Variants in CCL11 observed in about 807,000 individuals in gnomAD.
The protein encoded by CCL11 is C-C motif chemokine ligand 11, also known as eotaxin.
A neutral mutation model predicts 7.3 loss-of-function variants in CCL11; 7 were observed. The observed-to-expected ratio is 0.96, with a 90% CI of 0.55 to 1.81. CCL11 has a LOEUF of 1.81. CCL11 is among the 40% of genes most tolerant of loss of function. The pLI is 0.00. For synonymous variants in CCL11, 66 were observed against 45.2 expected (o/e 1.46, Z -1.84); for missense variants, 132 against 114.2 (o/e 1.16, Z -0.71).
rs76028040 is a variant in CCL11, at chr17:34,287,828, A to T, written c.*138A>T. On this transcript the variant is annotated 3_prime_UTR_variant, in exon 3 of 3. Transcript: ENST00000305869. ...ATTATATATATATATTTTTTTTTTT[A>T]AAAAAAAAACGTATTGCATTTAATT... 78,981 of 190,088 alleles carry T rather than the reference A, an allele frequency of 0.42. 11,319 individuals carry two copies. The highest frequency in any genetic ancestry group is 0.66 in the East Asian group (9,608 of 14,564). 11.8% of individuals were successfully genotyped at this position (190,088 alleles called of 1,614,324 possible). A position where few individuals can be genotyped will look rare whatever the true frequency, so the allele number is the denominator to read the frequency against.
At chr17:34,287,286 C>A in intron 2 of CCL11, 79 bp downstream of exon 2, 1 of 1,031,792 alleles carries the variant, frequency 9.7e-7, no homozygotes, top group Non-Finnish European at 1.5e-6. Context: ...GTCACAGTTG[C>A]TGGGAGTCAT....
rs202159929 is a variant in CCL11 at position 34,287,143 on chromosome 17, C to T, written c.124C>T (p.Pro42Ser). Residue 42 changes from proline (P) to serine (S), a missense_variant, in exon 2 of 3, where the codon CCC becomes TCC. Pro to Ser is a moderately conservative substitution (Grantham distance 74). Coordinates refer to ENST00000305869, the MANE Select transcript of CCL11 (RefSeq NM_002986.3). ...CTTTAACCTGGCCAATAGGAAGATACCCCTTCAGCGACTAGAGAGCTACAG... is the reference window on the plus strand; with the variant it reads ...CTTTAACCTGGCCAATAGGAAGATATCCCTTCAGCGACTAGAGAGCTACAG... The part of the protein sequence containing the change: ...CCFNLANRKI[P>S]LQRLESYRRI... 2 of 1,613,992 alleles carry T rather than the reference C, an allele frequency of 1.2e-6. No individual in the cohort carries two copies. The highest frequency in any genetic ancestry group is 1.1e-5 in the South Asian group (1 of 91,072).
chr17:34,287,393 T>C, intron 2 of CCL11, among the ~76,000 whole-genome samples, 186 bp downstream of exon 2: 1 of 152,178 alleles, frequency 6.6e-6, no homozygotes, highest in East Asian at 1.9e-4. Flanking sequence ...TGTAGTCATA[T>C]CAATTTCTTC....
rs35429363 is a variant in CCL11 at position 34,287,827 on chromosome 17, TAA to T, written c.*146_*147del. 25,281 of 286,918 alleles carry T rather than the reference TAA, an allele frequency of 0.088. 1,263 individuals are homozygous for T. Among genetic ancestry groups the T allele is most frequent in the African/African-American group, 0.16 (6,715 of 42,020 alleles). The allele number at this position is 286,918 out of a possible 1,614,324, so 17.8% of individuals were successfully genotyped here. On this transcript the variant is annotated 3_prime_UTR_variant, in exon 3 of 3. Coordinates refer to ENST00000305869, the MANE Select transcript of CCL11 (RefSeq NM_002986.3). ...TATTATATATATATATTTTTTTTTT[TAA>T]AAAAAAAACGTATTGCATTTAATTT...
In CCL11 at chr17:34,285,753, G is replaced by C; in HGVS notation, c.-56G>C. On this transcript the variant is annotated 5_prime_UTR_variant, in exon 1 of 3. Coordinates refer to ENST00000305869, the MANE Select transcript of CCL11 (RefSeq NM_002986.3). ...TGGGCCAGAGGAGCAGAGAGGCTGA[G>C]ACCAACCCAGAAACCACCACCTCTC... The C allele has an allele frequency of 7.1e-7, 1 of 1,400,342 alleles. No individual in the cohort carries two copies. Among genetic ancestry groups the C allele is most frequent in the Non-Finnish European group, 1.0e-6 (1 of 1,000,822 alleles). The allele number at this position is 1,400,342 out of a possible 1,614,324, so 86.7% of individuals were successfully genotyped here.
chr17:34,287,094 A>G lies in CCL11; in HGVS notation c.77-2A>G, dbSNP rs771528461. ...TGTTCATTTTTTTTCCCCAAAATTC[A>G]GCTTCTGTCCCAACCACCTGCTGCT... On this transcript the variant is annotated splice_acceptor_variant, in intron 1 of 2. Coordinates refer to ENST00000305869, the MANE Select transcript of CCL11 (RefSeq NM_002986.3). LOFTEE classifies it high-confidence loss of function. 1.9e-6 allele frequency: 3 copies of G among 1,609,272 alleles called. No homozygotes were observed.
rs35429363 is a variant in CCL11 at position 34,287,827 on chromosome 17, TAAAAA to T, written c.*143_*147del. 4.2e-5 allele frequency: 12 copies of T among 287,174 alleles called. No homozygotes were observed. Among genetic ancestry groups the T allele is most frequent in the African/African-American group, 2.6e-4 (11 of 42,008 alleles). 17.8% of individuals were successfully genotyped at this position (287,174 alleles called of 1,614,324 possible). On this transcript the variant is annotated 3_prime_UTR_variant, in exon 3 of 3. Coordinates refer to ENST00000305869, the MANE Select transcript of CCL11 (RefSeq NM_002986.3). ...TATTATATATATATATTTTTTTTTT[TAAAAA>T]AAAAACGTATTGCATTTAATTTATT...
intron 1 of CCL11, 114 bp downstream of exon 1, chr17:34,285,998 A>T: frequency 2.8e-6 from 2 of 719,068 alleles, no homozygotes; most frequent in Non-Finnish European, 4.6e-6. Context: ...ATAGGGAAAC[A>T]GGTTTTGTGG....
Position 34,287,142 on chromosome 17 carries a change from A to G in CCL11, c.123A>G (p.Ile41Met). ...TCCFNLANRK[I>M]PLQRLESYRR... Reference sequence around the variant, plus strand: ...GCTTTAACCTGGCCAATAGGAAGATACCCCTTCAGCGACTAGAGAGCTACA... The same window carrying G: ...GCTTTAACCTGGCCAATAGGAAGATGCCCCTTCAGCGACTAGAGAGCTACA... Residue 41 changes from isoleucine (I) to methionine (M), a missense_variant, in exon 2 of 3, where the codon ATA (isoleucine) becomes ATG (methionine). Ile to Met is a conservative substitution (Grantham distance 10). Coordinates refer to ENST00000305869, the MANE Select transcript of CCL11 (RefSeq NM_002986.3). The G allele has an allele frequency of 6.2e-7, 1 of 1,613,928 alleles. No individual in the cohort carries two copies. The highest frequency in any genetic ancestry group is 8.5e-7 in the Non-Finnish European group (1 of 1,179,912).
At chr17:34,286,237 C>T (rs1023386838) in intron 1 of CCL11, among the ~76,000 whole-genome samples, 20 of 152,228 alleles carry the variant, frequency 1.3e-4, no homozygotes, top group African/African-American at 4.3e-4. Flanking sequence ...TATGTTAATT[C>T]GACTCCAGGA....
rs1908700947 is a variant in CCL11 at position 34,288,034 on chromosome 17, T to A, written c.*344T>A. On this transcript the variant is annotated 3_prime_UTR_variant, in exon 3 of 3. Transcript: ENST00000305869. Reference sequence around the variant, plus strand: ...AAGGTCCTGGCAAAGATGATCAGTATGAAAATGTCATTGTTCTTGTGAACC... The same window carrying A: ...AAGGTCCTGGCAAAGATGATCAGTAAGAAAATGTCATTGTTCTTGTGAACC... 1 of 155,870 alleles carries A rather than the reference T, an allele frequency of 6.4e-6. No homozygotes were observed. The highest frequency in any genetic ancestry group is 6.5e-5 in the Admixed American group (1 of 15,400). 9.7% of individuals were successfully genotyped at this position (155,870 alleles called of 1,614,324 possible). A position where few individuals can be genotyped will look rare whatever the true frequency, so the allele number is the denominator to read the frequency against.
intron 1 of CCL11, 110 bp downstream of exon 1, chr17:34,285,994 A>T: frequency 1.3e-6 from 1 of 747,334 alleles, no homozygotes; most frequent in Admixed American, 2.6e-5. Flanking sequence ...AAAAATAGGG[A>T]AACAGGTTTT....
At position 34,285,837 on chromosome 17, in the gene CCL11, T is replaced by C; in HGVS notation, c.29T>C (p.Leu10Pro). The change falls in exon 1 of 3, where the codon CTG (leucine) becomes CCG (proline). Residue 10 changes from leucine to proline, a missense_variant. Transcript: ENST00000305869. ...AAGGTCTCCGCAGCACTTCTGTGGC[T>C]GCTGCTCATAGCAGCTGCCTTCAGC... The part of the protein sequence containing the change: MKVSAALLW[L>P]LLIAAAFSPQ... 1 of 1,613,162 alleles carries C rather than the reference T, an allele frequency of 6.2e-7. No individual in the cohort carries two copies. The highest frequency in any genetic ancestry group is 8.5e-7 in the Non-Finnish European group (1 of 1,179,486).
At chr17:34,286,325 T>C (rs751204985) in intron 1 of CCL11, among the ~76,000 whole-genome samples, 3 of 152,212 alleles carry the variant, frequency 2.0e-5, no homozygotes, top group Non-Finnish European at 2.9e-5. Context: ...TGACACTCTT[T>C]GGGAAAGTTA....
chr17:34,286,609 C>A (rs1908640300), intron 1 of CCL11, among the ~76,000 whole-genome samples: 1 of 152,214 alleles, frequency 6.6e-6, no homozygotes, highest in East Asian at 1.9e-4. Context: ...TGTGATAAAG[C>A]AGAAGAAAGC....
rs1329259337 is a variant in CCL11, at chr17:34,287,816, ATT to A, written c.*136_*137del. ...GGCATGGGTTTTATTATATATATAT[ATT>A]TTTTTTTTTAAAAAAAAAACGTATT... On this transcript the variant is annotated 3_prime_UTR_variant, in exon 3 of 3. Coordinates refer to ENST00000305869, the MANE Select transcript of CCL11 (RefSeq NM_002986.3). 14,214 of 298,404 alleles carry A rather than the reference ATT, an allele frequency of 0.048. 395 individuals carry two copies. Among genetic ancestry groups the A allele is most frequent in the Non-Finnish European group, 0.063 (10,672 of 170,208 alleles). The allele number at this position is 298,404 out of a possible 1,614,324, so 18.5% of individuals were successfully genotyped here.
rs1449354164 is a variant in CCL11 at position 34,287,664 on chromosome 17, C to T, written c.268C>T (p.Gln90Ter). Residue 90 changes from glutamine to a stop codon, truncating the protein, a stop_gained, in exon 3 of 3, where the codon CAA becomes TAA. Transcript: ENST00000305869. LOFTEE classifies it high-confidence loss of function. ...WVQDSMKYLDQKSPTPKP is the reference protein window; with the variant it reads ...WVQDSMKYLD ...GCAGGATTCCATGAAGTATCTGGACCAAAAATCTCCAACTCCAAAGCCATA... is the reference window on the plus strand; with the variant it reads ...GCAGGATTCCATGAAGTATCTGGACTAAAAATCTCCAACTCCAAAGCCATA... 2 of 1,612,772 alleles carry T rather than the reference C, an allele frequency of 1.2e-6. No individual in the cohort carries two copies. The highest frequency in any genetic ancestry group is 2.2e-5 in the South Asian group (2 of 91,006).
At chr17:34,287,274 G>C (rs1352109174) in intron 2 of CCL11, 67 bp downstream of exon 2, 2 of 1,141,516 alleles carry the variant, frequency 1.8e-6, no homozygotes, top group East Asian at 2.4e-5. Context: ...GTCAAGAACT[G>C]TGTCACAGTT....
At position 34,287,609 on chromosome 17, in the gene CCL11, T is replaced by C. The variant is rs1398949917; in HGVS notation, c.213T>C (p.Asp71=). The change falls in exon 3 of 3, where the codon GAT becomes GAC. Residue 71 remains aspartate, a synonymous_variant. Transcript: ENST00000305869. The part of the protein sequence containing the change: ...AVIFKTKLAK[D]ICADPKKKWV... ...GCTTCAAGACCAAACTGGCCAAGGA[T>C]ATCTGTGCCGACCCCAAGAAGAAGT... is the stretch of plus-strand genomic sequence containing the variant. 1.2e-6 allele frequency: 2 copies of C among 1,613,854 alleles called. No homozygotes were observed. Among genetic ancestry groups the C allele is most frequent in the Admixed American group, 3.3e-5 (2 of 59,996 alleles).
Sources: gnomAD v4.1 joint callset for allele counts (sites outside exome capture counted in the v4.1 genomes callset) on GRCh38, gnomAD v4.1.1 for gene constraint, MANE v1.5 for transcripts, NCBI Gene and HGNC (gene_info 2026-07-23, HGNC 2026-07-21) for gene names.